CDCP1: variants seen among roughly 807,000 people sequenced by gnomAD.
The protein encoded by CDCP1 is CUB domain containing protein 1.
In CDCP1, 29 loss-of-function variants were observed where a neutral mutation model predicts 60.2. The observed-to-expected ratio is 0.48, with a 90% CI of 0.36 to 0.66. The LOEUF (loss-of-function observed/expected upper bound fraction) is 0.66, where lower values mean the gene tolerates loss of function less well. Among genes scored for constraint, CDCP1 ranks in the 30% least tolerant of loss-of-function variants. CDCP1 has a pLI of 0.00. For missense variants in CDCP1, 876 were observed against 1,074.3 expected, an observed-to-expected ratio of 0.82 and a Z score of 2.58; for synonymous variants, 387 against 431.1, an observed-to-expected ratio of 0.90 and a Z score of 1.27.
At position 45,112,233 on chromosome 3, in the gene CDCP1, C is replaced by T. The variant is rs1265924804; in HGVS notation, c.505G>A (p.Ala169Thr). ...AAGGTTCCGATCCTGACCACGGTGG[C>T]ATCGATTCGGCCGCTGATGGAGTGA... ...VTHSISGRID[A>T]TVVRIGTFCS... Residue 169 changes from alanine (A) to threonine (T), a missense_variant, in exon 3 of 9, where the codon GCC becomes ACC. Physicochemically the swap from Ala to Thr is moderately conservative, Grantham distance 58. Coordinates refer to ENST00000296129, the MANE Select transcript of CDCP1 (RefSeq NM_022842.5). The T allele has an allele frequency of 2.5e-6, 4 of 1,614,186 alleles. No individual in the cohort carries two copies. Among genetic ancestry groups the T allele is most frequent in the Non-Finnish European group, 3.4e-6 (4 of 1,180,036 alleles).
At chr3:45,127,941 G>A (rs967047200) in intron 1 of CDCP1, among the ~76,000 whole-genome samples, 1 of 152,216 alleles carries the variant, frequency 6.6e-6, no homozygotes, top group African/African-American at 2.4e-5. Context: ...TCTGGAGAAA[G>A]GGATGGGTGG....
intron 2 of CDCP1, among the ~76,000 whole-genome samples, chr3:45,115,221 A>G: frequency 5.1e-5 from 1 of 19,660 alleles, no homozygotes; most frequent in Non-Finnish European, 9.5e-5. Flanking sequence ...AGAAAAAAAA[A>G]AGGTGGGGGT....
chr3:45,140,659 T>A (rs1455531475), intron 1 of CDCP1, among the ~76,000 whole-genome samples: 1 of 152,202 alleles, frequency 6.6e-6, no homozygotes, highest in Non-Finnish European at 1.5e-5. Flanking sequence ...AGCAATTGTT[T>A]GAGGACGGAG....
At chr3:45,108,817 ATATATATGCATG>A (rs1319264924) in intron 4 of CDCP1, among the ~76,000 whole-genome samples, 3 of 44,216 alleles carry the variant, frequency 6.8e-5, no homozygotes, top group African/African-American at 2.3e-4. Flanking sequence ...GCATGTATAC[ATATATATGCATG>A]TATATATATA....
intron 1 of CDCP1, among the ~76,000 whole-genome samples, chr3:45,121,692 A>G (rs1005579705): frequency 6.6e-6 from 1 of 152,190 alleles, no homozygotes; most frequent in Non-Finnish European, 1.5e-5. Context: ...GAGGGAATGG[A>G]GTACCAGGGG....
intron 1 of CDCP1, among the ~76,000 whole-genome samples, chr3:45,129,044 A>G (rs567788196): frequency 1.3e-5 from 2 of 152,346 alleles, no homozygotes; most frequent in East Asian, 3.9e-4. Flanking sequence ...AAGTAACTGA[A>G]CCATTCCTCA....
chr3:45,145,914 C>A (rs529377174), intron 1 of CDCP1, among the ~76,000 whole-genome samples: 2 of 152,094 alleles, frequency 1.3e-5, no homozygotes, highest in South Asian at 4.2e-4. Context: ...CGGCCAGCAC[C>A]GGGCTCATCC....
chr3:45,125,927 G>A (rs932827741), intron 1 of CDCP1, among the ~76,000 whole-genome samples: 3 of 152,166 alleles, frequency 2.0e-5, no homozygotes, highest in African/African-American at 7.2e-5. Flanking sequence ...CCAGAGAAGT[G>A]ACCTCCCTTC....
Position 45,085,784 on chromosome 3 carries a change from C to A in CDCP1, c.2365G>T (p.Ala789Ser), listed in dbSNP as rs1403394566. Reference sequence around the variant, plus strand: ...GAGCGAGGAGGTGGCTCCTCAGTGGCCAACTTTGCAGTTGGGGCCCTGGAG... The same window carrying A: ...GAGCGAGGAGGTGGCTCCTCAGTGGACAACTTTGCAGTTGGGGCCCTGGAG... ...ICSRAPTAKL[A>S]TEEPPPRSPP... The change falls in exon 9 of 9, where the codon GCC (alanine) becomes TCC (serine). Residue 789 changes from alanine to serine, a missense_variant. Physicochemically the swap from Ala to Ser is moderately conservative, Grantham distance 99. This residue lies in a region of CDCP1 where 726 missense variants were observed against 935.7 expected (regional missense o/e 0.78). Transcript: ENST00000296129. The surrounding 1 kb of genome is among the most constrained non-coding windows in gnomAD (Gnocchi z 4.2). The A allele has an allele frequency of 6.2e-7, 1 of 1,614,136 alleles. No individual in the cohort carries two copies. Among genetic ancestry groups the A allele is most frequent in the Admixed American group, 1.7e-5 (1 of 60,014 alleles).
chr3:45,105,621 A>G (rs867912363), intron 4 of CDCP1, among the ~76,000 whole-genome samples: 1 of 152,222 alleles, frequency 6.6e-6, no homozygotes, highest in Non-Finnish European at 1.5e-5. Context: ...AAGAGGATGC[A>G]TAAAGCAGTA....
Position 45,091,679 on chromosome 3 carries a change from G to T in CDCP1, c.1628-141C>A, listed in dbSNP as rs1698298879. On this transcript the variant is annotated intron_variant, in intron 6 of 8. Transcript: ENST00000296129. This position sits in a 1 kb window ranked among gnomAD's most constrained non-coding sequence, Gnocchi z 4.8. ...TTTCTGCGATGATGGAAATCTTCTA[G>T]ATCTGCACCATCTGATAGGGTAGCC... is the stretch of plus-strand genomic sequence containing the variant. 2.9e-6 allele frequency: 3 copies of T among 1,038,226 alleles called. No homozygotes were observed. The highest frequency in any genetic ancestry group is 2.7e-6 in the Non-Finnish European group (2 of 737,280). The allele number at this position is 1,038,226 out of a possible 1,614,324, so 64.3% of individuals were successfully genotyped here. A position where few individuals can be genotyped will look rare whatever the true frequency, so the allele number is the denominator to read the frequency against.
chr3:45,132,904 G>A (rs59627689), intron 1 of CDCP1, among the ~76,000 whole-genome samples: 8,713 of 152,258 alleles, frequency 0.057, 477 homozygotes, highest in African/African-American at 0.15. Context: ...CTTGAGTGTG[G>A]GAAGGATGGG....
At chr3:45,095,614 A>T (rs879453552) in intron 4 of CDCP1, 46 bp from the exon 5 acceptor site, 1 of 1,571,938 alleles carries the variant, frequency 6.4e-7, no homozygotes, top group Non-Finnish European at 8.7e-7. Flanking sequence ...GATCAGCAGC[A>T]ACACGGGAAA....
chr3:45,095,608 A>G (rs369227208), intron 4 of CDCP1, 40 bp from the exon 5 acceptor site: 290 of 1,585,974 alleles, frequency 1.8e-4, no homozygotes, highest in Non-Finnish European at 5.5e-5. Flanking sequence ...AGCATGGATC[A>G]GCAGCAACAC....
chr3:45,126,139 T>TTTCTTTCTTTCTTTC (rs1698985588), intron 1 of CDCP1, among the ~76,000 whole-genome samples: 1 of 139,362 alleles, frequency 7.2e-6, no homozygotes, highest in African/African-American at 2.9e-5. Context: ...TCTTTCTTTC[T>TTTCTTTCTTTCTTTC]TTCTTTCTTT....
intron 1 of CDCP1, among the ~76,000 whole-genome samples, chr3:45,134,838 C>T (rs1168419255): frequency 6.6e-6 from 1 of 152,160 alleles, no homozygotes; most frequent in East Asian, 1.9e-4. Context: ...GGGCAGCTTC[C>T]AGGAGGTATT....
At chr3:45,109,050 A>G (rs1385959359) in intron 4 of CDCP1, among the ~76,000 whole-genome samples, 3 of 149,234 alleles carry the variant, frequency 2.0e-5, no homozygotes, top group Admixed American at 6.7e-5. Context: ...TCTGGGTTCA[A>G]GCAATTTCCA....
intron 8 of CDCP1, among the ~76,000 whole-genome samples, chr3:45,088,209 C>T (rs1007611007): frequency 6.6e-5 from 10 of 152,140 alleles, no homozygotes; most frequent in East Asian, 1.9e-4. Context: ...CAGCCAGGTA[C>T]GGTGGCTCAT....
chr3:45,142,733 G>A (rs1218500507), intron 1 of CDCP1, among the ~76,000 whole-genome samples: 1 of 152,068 alleles, frequency 6.6e-6, no homozygotes, highest in African/African-American at 2.4e-5. Flanking sequence ...CTTCATCCCA[G>A]CAACTCTGCT....
Sources: gnomAD v4.1 joint callset for allele counts (sites outside exome capture counted in the v4.1 genomes callset) on GRCh38, gnomAD v4.1.1 for gene constraint, gnomAD v4.1.1 regional missense constraint, Gnocchi (gnomAD v3.1) non-coding constraint, MANE v1.5 for transcripts, NCBI Gene and HGNC (gene_info 2026-07-23, HGNC 2026-07-21) for gene names.